The following ZSWIM5 variants were observed in gnomAD, a reference collection of about 807,000 sequenced individuals.
ZSWIM5 encodes zinc finger SWIM-type containing 5.
A neutral mutation model predicts 119.6 loss-of-function variants in ZSWIM5; 55 were observed. The ratio of observed to expected loss-of-function variants is 0.46; its 90% CI spans 0.37 to 0.58. ZSWIM5 has a LOEUF of 0.58. Ranked by LOEUF, ZSWIM5 falls within the 20% of genes least tolerant of loss-of-function variation. The pLI is 0.00. For missense variants in ZSWIM5, 1,193 were observed against 1,512.8 expected, an observed-to-expected ratio of 0.79 and a Z score of 3.51; for synonymous variants, 537 against 606.9, an observed-to-expected ratio of 0.88 and a Z score of 1.69.
rs1355636337 is a variant in ZSWIM5 at position 45,164,450 on chromosome 1, G to C, written c.595+41306C>G. Among the ~76,000 whole-genome samples the C allele has an allele frequency of 2.0e-5, 3 of 152,040 alleles. No individual in the cohort carries two copies. In the South Asian group the frequency reaches 6.2e-4, roughly 32 times the overall value. On this transcript the variant is annotated intron_variant, in intron 1 of 13. Coordinates refer to ENST00000359600, the MANE Select transcript of ZSWIM5 (RefSeq NM_020883.2). ...TAACCAGCTAACATCATAATGACAG[G>C]ATCAAATTCACACATAACAATATTA...
intron 2 of ZSWIM5, among the ~76,000 whole-genome samples, chr1:45,085,730 C>G (rs915119503): frequency 6.6e-6 from 1 of 152,142 alleles, no homozygotes; most frequent in Non-Finnish European, 1.5e-5. Context: ...AGCACCCCAT[C>G]TTCATCTGAG....
At chr1:45,184,435 A>G (rs868075275) in intron 1 of ZSWIM5, among the ~76,000 whole-genome samples, 10 of 152,318 alleles carry the variant, frequency 6.6e-5, no homozygotes, top group Admixed American at 5.2e-4. Context: ...AGGGTATTCA[A>G]TTAGGAAAAG....
At chr1:45,053,335 A>C (rs1645100984) in intron 4 of ZSWIM5, among the ~76,000 whole-genome samples, 1 of 152,184 alleles carries the variant, frequency 6.6e-6, no homozygotes, top group Non-Finnish European at 1.5e-5. Flanking sequence ...TGGTGACCTT[A>C]GGAATGGCAA....
intron 1 of ZSWIM5, among the ~76,000 whole-genome samples, chr1:45,143,151 G>A (rs1336226426): frequency 7.5e-6 from 1 of 132,704 alleles, no homozygotes; most frequent in Non-Finnish European, 1.5e-5. Context: ...CAGCCTGGGC[G>A]ACAGAGTGAG....
At chr1:45,022,786 A>G (rs1644896137) in intron 11 of ZSWIM5, among the ~76,000 whole-genome samples, 1 of 152,214 alleles carries the variant, frequency 6.6e-6, no homozygotes. Flanking sequence ...CTTGGATACC[A>G]AAATCTGAGG....
At chr1:45,044,078 T>A (rs181884417) in intron 5 of ZSWIM5, among the ~76,000 whole-genome samples, 2 of 151,576 alleles carry the variant, frequency 1.3e-5, no homozygotes, top group Non-Finnish European at 1.5e-5. Context: ...TAGTCCTAGC[T>A]ACTTGGGAGG....
At chr1:45,047,997 G>C (rs1295061549) in intron 5 of ZSWIM5, among the ~76,000 whole-genome samples, 1 of 151,518 alleles carries the variant, frequency 6.6e-6, no homozygotes, top group Non-Finnish European at 1.5e-5. Context: ...TGAAATGAGT[G>C]GTCATAAACT....
chr1:45,025,711 A>G (rs982296894), intron 11 of ZSWIM5, among the ~76,000 whole-genome samples: 2 of 152,178 alleles, frequency 1.3e-5, no homozygotes, highest in East Asian at 3.9e-4. Flanking sequence ...AGTTTTTAAA[A>G]AAATTGATTC....
intron 1 of ZSWIM5, among the ~76,000 whole-genome samples, chr1:45,183,240 T>C (rs1279589310): frequency 8.7e-5 from 13 of 148,950 alleles, no homozygotes. Context: ...CTGGGACACA[T>C]TCAAAGCAGT....
Position 45,180,964 on chromosome 1 carries a change from T to C in ZSWIM5, c.595+24792A>G, listed in dbSNP as rs1570189376. Among the ~76,000 whole-genome samples, 5 of 151,854 alleles carry C rather than the reference T, an allele frequency of 3.3e-5. 1 individual carries two copies. The highest frequency in any genetic ancestry group is 1.2e-4 in the African/African-American group (5 of 41,382). ...ACCATCATCAAAGACCAAAAGTACA[T>C]AAAACCACAAAGATGGGGGAAAAAC... On this transcript the variant is annotated intron_variant, in intron 1 of 13. Coordinates refer to ENST00000359600, the MANE Select transcript of ZSWIM5 (RefSeq NM_020883.2).
intron 1 of ZSWIM5, among the ~76,000 whole-genome samples, chr1:45,115,581 C>T (rs1379887614): frequency 4.0e-5 from 6 of 148,220 alleles, no homozygotes; most frequent in Admixed American, 6.7e-5. Context: ...AGACGATGGG[C>T]GGCCGGGCAG....
chr1:45,205,527 T>C (rs971017761), intron 1 of ZSWIM5, among the ~76,000 whole-genome samples: 1 of 152,178 alleles, frequency 6.6e-6, no homozygotes, highest in Non-Finnish European at 1.5e-5. Flanking sequence ...AGAAGAGAGA[T>C]CTATTCACTC....
At chr1:45,180,583 T>C (rs1646010766) in intron 1 of ZSWIM5, among the ~76,000 whole-genome samples, 1 of 152,118 alleles carries the variant, frequency 6.6e-6, no homozygotes, top group Non-Finnish European at 1.5e-5. Flanking sequence ...AGAGCAGTGG[T>C]TCTCCCAGCA....
chr1:45,183,453 T>G (rs1239101642), intron 1 of ZSWIM5, among the ~76,000 whole-genome samples: 1 of 151,896 alleles, frequency 6.6e-6, no homozygotes, highest in African/African-American at 2.4e-5. Flanking sequence ...AATTAATGAA[T>G]CCAGGAGCTG....
At chr1:45,175,733 T>A (rs896416402) in intron 1 of ZSWIM5, among the ~76,000 whole-genome samples, 7 of 151,710 alleles carry the variant, frequency 4.6e-5, no homozygotes, top group Admixed American at 2.6e-4. Flanking sequence ...ATTATAGGCA[T>A]GAACCATGGC....
At chr1:45,104,748 C>T (rs1042196939) in intron 1 of ZSWIM5, among the ~76,000 whole-genome samples, 1 of 152,210 alleles carries the variant, frequency 6.6e-6, no homozygotes, top group South Asian at 2.1e-4. Context: ...TTGCGGCCAT[C>T]TGCTCCCCTC....
At chr1:45,157,936 ATG>A (rs1645840078) in intron 1 of ZSWIM5, among the ~76,000 whole-genome samples, 1 of 151,934 alleles carries the variant, frequency 6.6e-6, no homozygotes, top group South Asian at 2.1e-4. Flanking sequence ...ATGTTTTTTC[ATG>A]TGTTTAATAT....
At chr1:45,056,258 T>C (rs1189489738) in intron 4 of ZSWIM5, among the ~76,000 whole-genome samples, 3 of 151,926 alleles carry the variant, frequency 2.0e-5, no homozygotes, top group African/African-American at 7.3e-5. Flanking sequence ...GTGAGGACAG[T>C]TGGAATATCA....
At chr1:45,090,321 A>C (rs1645357629) in intron 1 of ZSWIM5, among the ~76,000 whole-genome samples, 1 of 152,236 alleles carries the variant, frequency 6.6e-6, no homozygotes, top group Non-Finnish European at 1.5e-5. Flanking sequence ...GTTAAACCCC[A>C]CAGAGGTTTT....
Sources: allele counts gnomAD v4.1 joint callset (sites outside exome capture counted in the v4.1 genomes callset), GRCh38; gene constraint gnomAD v4.1.1; transcripts MANE v1.5; gene names NCBI Gene and HGNC (gene_info 2026-07-23, HGNC 2026-07-21).